NAV3: variants seen among roughly 807,000 people sequenced by gnomAD.
The protein encoded by NAV3 is neuron navigator 3, also known as pore membrane and/or filament interacting like protein 1.
In NAV3, 87 loss-of-function variants were observed where a neutral mutation model predicts 244.7. The ratio of observed to expected loss-of-function variants is 0.36; its 90% CI spans 0.30 to 0.42. NAV3 has a LOEUF of 0.42. Among genes scored for constraint, NAV3 ranks in the 20% least tolerant of loss-of-function variants. The probability of loss-of-function intolerance (pLI) is 1.00; values close to 1 mark genes in which losing one functional copy is unlikely to be tolerated. For missense variants in NAV3, 2,663 were observed against 2,893.3 expected, an observed-to-expected ratio of 0.92 and a Z score of 1.83; for synonymous variants, 1,126 against 1,042.2, an observed-to-expected ratio of 1.08 and a Z score of -1.55.
chr12:78,203,583 T>C (rs536661216), intron 38 of NAV3, among the ~76,000 whole-genome samples: 1 of 152,228 alleles, frequency 6.6e-6, no homozygotes, highest in Non-Finnish European at 1.5e-5. Context: ...TCCAAGGCAG[T>C]CCATGAAGTT....
chr12:77,878,427 C>T (rs1246243551), intron 1 of NAV3, among the ~76,000 whole-genome samples: 2 of 151,930 alleles, frequency 1.3e-5, no homozygotes, highest in Admixed American at 6.6e-5. Flanking sequence ...CAGGGTTTCA[C>T]CATGTTGGTC....
chr12:77,803,672 T>G (rs1333308720), intron 2 of NAV3, among the ~76,000 whole-genome samples: 1 of 152,156 alleles, frequency 6.6e-6, no homozygotes, highest in African/African-American at 2.4e-5. Flanking sequence ...CAAATGGTAT[T>G]TCTGGTTCTA....
intron 12 of NAV3, among the ~76,000 whole-genome samples, chr12:78,086,800 ACTT>A (rs1953660682): frequency 6.6e-6 from 1 of 151,944 alleles, no homozygotes; most frequent in Admixed American, 6.6e-5. Context: ...CTCTATGATC[ACTT>A]CTTTCAATCA....
At chr12:77,908,395 C>G (rs577376998) in intron 1 of NAV3, among the ~76,000 whole-genome samples, 65 of 152,044 alleles carry the variant, frequency 4.3e-4, no homozygotes, top group African/African-American at 1.5e-3. Context: ...CTTTTATTCA[C>G]TTATTTAAGG....
intron 2 of NAV3, among the ~76,000 whole-genome samples, chr12:77,608,655 A>G (rs964792220): frequency 2.0e-5 from 3 of 152,112 alleles, no homozygotes; most frequent in Admixed American, 6.6e-5. Flanking sequence ...GCTGGTAGCA[A>G]TATTTCCTCA....
chr12:77,938,931 CGTGT>C (rs35392593), intron 1 of NAV3, among the ~76,000 whole-genome samples: 98 of 142,562 alleles, frequency 6.9e-4, no homozygotes, highest in South Asian at 2.7e-3. Flanking sequence ...AATGTGATCT[CGTGT>C]GTGTGTGTGT....
Position 78,181,203 on chromosome 12 carries a change from A to C in NAV3, c.5692+158A>C, listed in dbSNP as rs559348396. 2.0e-5 allele frequency among the ~76,000 whole-genome samples: 3 copies of C among 152,186 alleles called. No individual in the cohort carries two copies. In the East Asian group the frequency reaches 5.8e-4, roughly 30 times the overall value. ...TCTTATAAATCTAGTCTACTTAGTTATAATTTTAAAAGCACATTCTCTGTC... is the reference window on the plus strand; with the variant it reads ...TCTTATAAATCTAGTCTACTTAGTTCTAATTTTAAAAGCACATTCTCTGTC... On this transcript the variant is annotated intron_variant, in intron 30 of 39. Coordinates refer to ENST00000397909, the MANE Select transcript of NAV3 (RefSeq NM_001024383.2).
chr12:78,125,819 T>A lies in NAV3; in HGVS notation c.4239-1348T>A, dbSNP rs193261021. 7.2e-5 allele frequency among the ~76,000 whole-genome samples: 11 copies of A among 152,318 alleles called. No homozygotes were observed. In the East Asian group the frequency reaches 2.1e-3, roughly 29 times the overall value. Reference sequence around the variant, plus strand: ...GTAACTTTAAATGTATTTATTCTAATTTTTTTCATTAAATTGCTCTTCATC... The same window carrying A: ...GTAACTTTAAATGTATTTATTCTAAATTTTTTCATTAAATTGCTCTTCATC... On this transcript the variant is annotated intron_variant, in intron 16 of 39. Coordinates refer to ENST00000397909, the MANE Select transcript of NAV3 (RefSeq NM_001024383.2).
chr12:78,043,103 G>C lies in NAV3; in HGVS notation c.2024-6890G>C. 1.3e-5 allele frequency among the ~76,000 whole-genome samples: 2 copies of C among 151,730 alleles called. 1 individual carries two copies. The highest frequency in any genetic ancestry group is 2.9e-5 in the Non-Finnish European group (2 of 67,974). On this transcript the variant is annotated intron_variant, in intron 9 of 39. Transcript: ENST00000397909. Reference sequence around the variant, plus strand: ...CCCTTGATCCCCCCACCCACCAACAGGCCCCGGTGTGTGATGTTCCCCTTC... The same window carrying C: ...CCCTTGATCCCCCCACCCACCAACACGCCCCGGTGTGTGATGTTCCCCTTC...
intron 2 of NAV3, among the ~76,000 whole-genome samples, chr12:77,583,471 T>C (rs1324817695): frequency 1.3e-5 from 2 of 152,208 alleles, no homozygotes; most frequent in African/African-American, 4.8e-5. Flanking sequence ...CAATGTGAAC[T>C]TTGTAATTAA....
At chr12:78,008,399 G>T (rs1389112574) in intron 8 of NAV3, among the ~76,000 whole-genome samples, 3 of 152,008 alleles carry the variant, frequency 2.0e-5, no homozygotes, top group Non-Finnish European at 4.4e-5. Flanking sequence ...TGTTTTAATC[G>T]ATTAGAGATA....
chr12:78,098,506 T>A (rs774702671), intron 12 of NAV3, among the ~76,000 whole-genome samples: 18 of 151,886 alleles, frequency 1.2e-4, no homozygotes, highest in Admixed American at 8.5e-4. Context: ...AAAGGGATTC[T>A]CACCTTTCAA....
At chr12:77,848,282 C>A (rs754189772) in intron 1 of NAV3, among the ~76,000 whole-genome samples, 13 of 152,164 alleles carry the variant, frequency 8.5e-5, no homozygotes, top group Non-Finnish European at 1.5e-4. Flanking sequence ...TTTGTAATGA[C>A]TGTGGTTTCT....
intron 20 of NAV3, among the ~76,000 whole-genome samples, chr12:78,145,683 G>T (rs1405816849): frequency 6.6e-6 from 1 of 152,148 alleles, no homozygotes; most frequent in African/African-American, 2.4e-5. Flanking sequence ...AAATTCCTAT[G>T]GCAGTCCTCC....
At chr12:77,660,525 A>G (rs891923683) in intron 2 of NAV3, among the ~76,000 whole-genome samples, 1 of 152,142 alleles carries the variant, frequency 6.6e-6, no homozygotes, top group Non-Finnish European at 1.5e-5. Context: ...TTTATTTTAA[A>G]TAGTTTTTTA....
At chr12:77,993,961 T>C (rs1298627055) in intron 5 of NAV3, among the ~76,000 whole-genome samples, 1 of 152,200 alleles carries the variant, frequency 6.6e-6, no homozygotes, top group East Asian at 1.9e-4. Context: ...ACTATATCTT[T>C]CAGAATACTG....
chr12:77,977,909 A>AG (rs1868812508), intron 5 of NAV3, among the ~76,000 whole-genome samples: 1 of 152,136 alleles, frequency 6.6e-6, no homozygotes, highest in African/African-American at 2.4e-5. Flanking sequence ...GATCAGTCCA[A>AG]GTAAACAAAG....
intron 2 of NAV3, among the ~76,000 whole-genome samples, chr12:77,724,174 C>T (rs111616302): frequency 6.6e-6 from 1 of 152,008 alleles, no homozygotes; most frequent in African/African-American, 2.4e-5. Context: ...TTCTCTATTA[C>T]AAATTTCTAT....
chr12:77,790,459 A>G (rs923735356), intron 2 of NAV3, among the ~76,000 whole-genome samples: 3 of 152,116 alleles, frequency 2.0e-5, no homozygotes, highest in African/African-American at 7.2e-5. Flanking sequence ...TGATCTTGTC[A>G]TGAAAGAATT....
Sources: gnomAD v4.1 joint callset for allele counts (sites outside exome capture counted in the v4.1 genomes callset) on GRCh38, gnomAD v4.1.1 for gene constraint, MANE v1.5 for transcripts, NCBI Gene and HGNC (gene_info 2026-07-23, HGNC 2026-07-21) for gene names.